The following VANGL2 variants were observed in gnomAD, a reference collection of about 807,000 sequenced individuals.
VANGL2 encodes the protein VANGL planar cell polarity protein 2, also known as vang-like protein 2.
In VANGL2, 14 loss-of-function variants were observed where a neutral mutation model predicts 50.2. The observed-to-expected ratio is 0.28, with a 90% CI of 0.18 to 0.44. The LOEUF (loss-of-function observed/expected upper bound fraction) is 0.44, where lower values mean the gene tolerates loss of function less well. Among genes scored for constraint, VANGL2 ranks in the 20% least tolerant of loss-of-function variants. The pLI is 1.00. For synonymous variants in VANGL2, 295 were observed against 297.2 expected, an observed-to-expected ratio of 0.99 and a Z score of 0.08; for missense variants, 533 against 701.5, an observed-to-expected ratio of 0.76 and a Z score of 2.71.
Position 160,424,226 on chromosome 1 carries a change from C to A in VANGL2, c.1248C>A (p.Thr416=). The A allele has an allele frequency of 6.2e-7, 1 of 1,614,232 alleles. No homozygotes were observed. Among genetic ancestry groups the A allele is most frequent in the Non-Finnish European group, 8.5e-7 (1 of 1,180,042 alleles). Residue 416 remains threonine, a synonymous_variant, in exon 7 of 8, where the codon ACC becomes ACA. Coordinates refer to ENST00000368061, the MANE Select transcript of VANGL2 (RefSeq NM_020335.3). ...CCACCAAGCAGCAGCCCTACCACAC[C>A]ATGGAGAGCATCCTGCAGCACCTTG... is the stretch of plus-strand genomic sequence containing the variant. The part of the protein sequence containing the change: ...LRTTKQQPYH[T]MESILQHLEF...
At chr1:160,402,261 C>G (rs1337070922) in intron 1 of VANGL2, among the ~76,000 whole-genome samples, 2 of 152,086 alleles carry the variant, frequency 1.3e-5, no homozygotes, top group Non-Finnish European at 2.9e-5. Context: ...CCTCCCCCAT[C>G]GTCATAGGCT....
intron 1 of VANGL2, among the ~76,000 whole-genome samples, chr1:160,401,673 C>T (rs1391769868): frequency 1.3e-5 from 2 of 151,866 alleles, no homozygotes; most frequent in South Asian, 2.1e-4. Flanking sequence ...AGCGGCTGAC[C>T]ATGCATCTGC....
intron 1 of VANGL2, among the ~76,000 whole-genome samples, chr1:160,412,138 A>G (rs565787318): frequency 6.6e-6 from 1 of 152,366 alleles, no homozygotes; most frequent in South Asian, 2.1e-4. Flanking sequence ...CTACAAGCAC[A>G]GAGGTGTTAA....
At chr1:160,402,221 CG>C (rs1347136507) in intron 1 of VANGL2, among the ~76,000 whole-genome samples, 1 of 151,988 alleles carries the variant, frequency 6.6e-6, no homozygotes, top group Non-Finnish European at 1.5e-5. Context: ...GGAAGATTGG[CG>C]GGGTCAGGGA....
In VANGL2 at chr1:160,427,998, G is replaced by A. The variant is rs2101977314; in HGVS notation, c.*2620G>A. ...TCGCCACTCTGCCACTGTCCCCATT[G>A]GTCCTTTCTCCTAAACTGGTCTTTG... On this transcript the variant is annotated 3_prime_UTR_variant, in exon 8 of 8. Coordinates refer to ENST00000368061, the MANE Select transcript of VANGL2 (RefSeq NM_020335.3). 6.5e-6 allele frequency: 1 copy of A among 152,824 alleles called. No homozygotes were observed. The highest frequency in any genetic ancestry group is 2.1e-4 in the South Asian group (1 of 4,806). 9.5% of individuals were successfully genotyped at this position (152,824 alleles called of 1,614,324 possible). A position where few individuals can be genotyped will look rare whatever the true frequency, so the allele number is the denominator to read the frequency against.
intron 4 of VANGL2, among the ~76,000 whole-genome samples, chr1:160,420,141 G>A (rs1207792940): frequency 6.6e-6 from 1 of 152,162 alleles, no homozygotes; most frequent in Non-Finnish European, 1.5e-5. Flanking sequence ...AACGCTGAAT[G>A]GGGATGAGGT....
rs1022648492 is a variant in VANGL2, at chr1:160,425,414, G to C, written c.*36G>C. On this transcript the variant is annotated 3_prime_UTR_variant, in exon 8 of 8. Transcript: ENST00000368061. The stretch of plus-strand genomic sequence containing the variant: ...GCAGGGGGAGTGGGAAACTCTGGGG[G>C]GTCCTGAGGGGGTGGGAGGGGGCTT... 1 of 1,430,450 alleles carries C rather than the reference G, an allele frequency of 7.0e-7. No homozygotes were observed. The highest frequency in any genetic ancestry group is 9.4e-7 in the Non-Finnish European group (1 of 1,063,960). 88.6% of individuals were successfully genotyped at this position (1,430,450 alleles called of 1,614,324 possible).
rs58212051 is a variant in VANGL2, at chr1:160,424,551, G to A, written c.1305+268G>A. 5.5e-3 allele frequency among the ~76,000 whole-genome samples: 843 copies of A among 152,162 alleles called. 6 individuals are homozygous for A. Among genetic ancestry groups the A allele is most frequent in the African/African-American group, 0.019 (783 of 41,500 alleles). ...TATTTCTCATCTCTATGAGGGCTCC[G>A]GAATTACCAGATCCAAAGGCCCACT... is the stretch of plus-strand genomic sequence containing the variant. On this transcript the variant is annotated intron_variant, in intron 7 of 7. Transcript: ENST00000368061.
In VANGL2 at chr1:160,428,621, C is replaced by G. The variant is rs1470373107; in HGVS notation, c.*3243C>G. On this transcript the variant is annotated 3_prime_UTR_variant, in exon 8 of 8. Transcript: ENST00000368061. ...AGGATTTTTTTCTTAAACATAGGAA[C>G]TAAAACTGTACAAATTTTTTTTATA... is the stretch of plus-strand genomic sequence containing the variant. 3 of 152,412 alleles carry G rather than the reference C, an allele frequency of 2.0e-5. No individual in the cohort carries two copies. Among genetic ancestry groups the G allele is most frequent in the African/African-American group, 7.3e-5 (3 of 41,356 alleles). 9.4% of individuals were successfully genotyped at this position (152,412 alleles called of 1,614,324 possible).
At chr1:160,411,522 C>T (rs1012169011) in intron 1 of VANGL2, among the ~76,000 whole-genome samples, 1 of 152,076 alleles carries the variant, frequency 6.6e-6, no homozygotes, top group African/African-American at 2.4e-5. Context: ...TCCTCCCAGG[C>T]CCCCCAGCAG....
At chr1:160,408,191 G>A (rs1170831950) in intron 1 of VANGL2, among the ~76,000 whole-genome samples, 3 of 151,942 alleles carry the variant, frequency 2.0e-5, no homozygotes, top group African/African-American at 4.8e-5. Flanking sequence ...AGAGACAGCG[G>A]AGCAGGTCTC....
intron 6 of VANGL2, among the ~76,000 whole-genome samples, chr1:160,423,655 G>A (rs542178947): frequency 6.6e-6 from 1 of 152,272 alleles, no homozygotes; most frequent in Admixed American, 6.5e-5. Flanking sequence ...AGTTAATGTT[G>A]CCCATGCTGT....
Position 160,425,353 on chromosome 1 carries a change from G to T in VANGL2, c.1541G>T (p.Arg514Met). 1 of 1,611,550 alleles carries T rather than the reference G, an allele frequency of 6.2e-7. No individual in the cohort carries two copies. The change falls in exon 8 of 8, where the codon AGG (arginine) becomes ATG (methionine). Residue 514 changes from arginine (R) to methionine (M), a missense_variant. Physicochemically the swap from Arg to Met is moderately conservative, Grantham distance 91 (BLOSUM62 -1). Coordinates refer to ENST00000368061, the MANE Select transcript of VANGL2 (RefSeq NM_020335.3). ...VDPKSHKFVMRLQSETSV is the reference protein window; with the variant it reads ...VDPKSHKFVMMLQSETSV ...CCCAAGTCACACAAGTTTGTCATGA[G>T]GCTGCAGTCTGAGACCTCAGTGTGA...
intron 7 of VANGL2, among the ~76,000 whole-genome samples, chr1:160,424,907 C>T (rs936740628): frequency 6.6e-6 from 1 of 152,086 alleles, no homozygotes; most frequent in Non-Finnish European, 1.5e-5. Context: ...AGCCACATCC[C>T]CCTGTGCACT....
chr1:160,409,381 T>G (rs971407682), intron 1 of VANGL2, among the ~76,000 whole-genome samples: 1 of 152,148 alleles, frequency 6.6e-6, no homozygotes, highest in African/African-American at 2.4e-5. Flanking sequence ...TAAGGCCCCT[T>G]TCAGCTTGGT....
At chr1:160,414,041 C>A (rs992057123) in intron 1 of VANGL2, among the ~76,000 whole-genome samples, 1 of 152,204 alleles carries the variant, frequency 6.6e-6, no homozygotes, top group Non-Finnish European at 1.5e-5. Context: ...TCATTAGGTC[C>A]TGTTGATTTG....
chr1:160,425,288 G>T lies in VANGL2; in HGVS notation c.1476G>T (p.Lys492Asn). ...RQDFSLVVST[K>N]KVPFFKLSEE... ...ACTTCAGCCTGGTGGTCAGCACCAAGAAGGTCCCATTCTTCAAACTCTCCG... is the reference window on the plus strand; with the variant it reads ...ACTTCAGCCTGGTGGTCAGCACCAATAAGGTCCCATTCTTCAAACTCTCCG... The change falls in exon 8 of 8, where the codon AAG (lysine) becomes AAT (asparagine). Residue 492 changes from lysine (K) to asparagine (N), a missense_variant. By Grantham distance (94) the Lys-to-Asn change is moderately conservative. Transcript: ENST00000368061. 1 of 1,614,122 alleles carries T rather than the reference G, an allele frequency of 6.2e-7. No individual in the cohort carries two copies. The highest frequency in any genetic ancestry group is 8.5e-7 in the Non-Finnish European group (1 of 1,180,018).
At chr1:160,402,114 T>C (rs1369890053) in intron 1 of VANGL2, among the ~76,000 whole-genome samples, 2 of 152,142 alleles carry the variant, frequency 1.3e-5, no homozygotes, top group Non-Finnish European at 2.9e-5. Context: ...AGTTGTCTTA[T>C]GAAGTGCCTG....
chr1:160,424,038 C>T lies in VANGL2; in HGVS notation c.1074-14C>T, dbSNP rs891194196. On this transcript the variant is annotated splice_polypyrimidine_tract_variant and intron_variant, in intron 6 of 7. Coordinates refer to ENST00000368061, the MANE Select transcript of VANGL2 (RefSeq NM_020335.3). Reference sequence around the variant, plus strand: ...AGAGGTGGGCATCTGGCCCAGTCCCCTCCTGTCCCCTAGGCTTGTAGTGGC... The same window carrying T: ...AGAGGTGGGCATCTGGCCCAGTCCCTTCCTGTCCCCTAGGCTTGTAGTGGC... The T allele has an allele frequency of 1.2e-6, 2 of 1,613,820 alleles. No homozygotes were observed. Among genetic ancestry groups the T allele is most frequent in the Non-Finnish European group, 1.7e-6 (2 of 1,179,834 alleles).
Sources: gnomAD v4.1 joint callset for allele counts (sites outside exome capture counted in the v4.1 genomes callset) on GRCh38, gnomAD v4.1.1 for gene constraint, MANE v1.5 for transcripts, NCBI Gene and HGNC (gene_info 2026-07-23, HGNC 2026-07-21) for gene names.